Variants in SUMF2 observed in about 807,000 individuals in gnomAD.
SUMF2 encodes the protein inactive C-alpha-formylglycine-generating enzyme 2.
Under a neutral mutation model 44.8 loss-of-function variants are expected in SUMF2, and 45 were observed. The observed-to-expected ratio is 1.00, with a 90% CI of 0.79 to 1.29. The LOEUF is 1.29. SUMF2 is among the 50% of genes most tolerant of loss of function. SUMF2 has a pLI of 0.00. For missense variants in SUMF2, 418 were observed against 389.9 expected (o/e 1.07, Z -0.61); for synonymous variants, 148 against 150.4 (o/e 0.98, Z 0.12).
chr7:56,076,992 G>T (rs1450407102), intron 6 of SUMF2, 103 bp downstream of exon 6: 4 of 1,064,410 alleles, frequency 3.8e-6, no homozygotes, highest in South Asian at 1.6e-5. Context: ...GGGTTCTAAT[G>T]CAACTGATGA....
intron 1 of SUMF2, among the ~76,000 whole-genome samples, chr7:56,067,894 G>GAAAAAAAAAAAAA (rs71015177): frequency 1.4e-5 from 1 of 72,832 alleles, no homozygotes; most frequent in Non-Finnish European, 2.7e-5. Context: ...ATCCTGTCAC[G>GAAAAAAAAAAAAA]AAAAAAAAAA....
downstream of SUMF2, chr7:56,081,276 A>G: frequency 6.2e-7 from 1 of 1,611,482 alleles, no homozygotes; most frequent in Non-Finnish European, 8.5e-7. This position sits in a 1 kb window ranked among gnomAD's most constrained non-coding sequence, Gnocchi z 4.6. Flanking sequence ...TCCGCACTGA[A>G]GCCAGCACGG....
intron 1 of SUMF2, among the ~76,000 whole-genome samples, chr7:56,065,190 CAAAAAAAAAA>C (rs60513641): frequency 5.3e-5 from 3 of 56,558 alleles, no homozygotes; most frequent in Non-Finnish European, 1.0e-4. Flanking sequence ...GACTCCGTCT[CAAAAAAAAAA>C]AAAAAAAAAA....
In SUMF2 at chr7:56,064,387, A is replaced by G. The variant is rs1244455992; in HGVS notation, c.67+9A>G. 6.3e-6 allele frequency: 10 copies of G among 1,599,560 alleles called. No homozygotes were observed. Among genetic ancestry groups the G allele is most frequent in the East Asian group, 2.3e-5 (1 of 44,144 alleles). ...CGCGTGGCTCAAGCTAGGTCAGTGAACCGGCCGTCCATCCTGGGGGCGCTG... is the reference window on the plus strand; with the variant it reads ...CGCGTGGCTCAAGCTAGGTCAGTGAGCCGGCCGTCCATCCTGGGGGCGCTG... On this transcript the variant is annotated intron_variant, in intron 1 of 8. Coordinates refer to ENST00000434526, the MANE Select transcript of SUMF2 (RefSeq NM_015411.4).
chr7:56,073,885 C>G, intron 3 of SUMF2: 1 of 476,086 alleles, frequency 2.1e-6, no homozygotes, highest in Non-Finnish European at 3.7e-6. Context: ...CATGGTCATG[C>G]ACACCTGTAG....
In SUMF2 at chr7:56,076,821, G is replaced by T. The variant is rs1292809611; in HGVS notation, c.536-13G>T. ...CCTCCCCCTCCTCTGCTGCCTCCTTGCTCTCCTCGCAGGTCAAGTTTACCC... is the reference window on the plus strand; with the variant it reads ...CCTCCCCCTCCTCTGCTGCCTCCTTTCTCTCCTCGCAGGTCAAGTTTACCC... On this transcript the variant is annotated splice_polypyrimidine_tract_variant and intron_variant, in intron 5 of 8. Coordinates refer to ENST00000434526, the MANE Select transcript of SUMF2 (RefSeq NM_015411.4). 1 of 1,587,626 alleles carries T rather than the reference G, an allele frequency of 6.3e-7. No individual in the cohort carries two copies. Among genetic ancestry groups the T allele is most frequent in the Admixed American group, 1.8e-5 (1 of 56,678 alleles).
downstream of SUMF2, chr7:56,083,496 C>A: frequency 6.3e-7 from 1 of 1,588,004 alleles, no homozygotes; most frequent in Non-Finnish European, 8.6e-7. Flanking sequence ...AGGTAACAGG[C>A]AGGGAGACAC....
At chr7:56,079,366 T>G in intron 8 of SUMF2, 162 bp from the exon 9 acceptor site, 1 of 712,658 alleles carries the variant, frequency 1.4e-6, no homozygotes, top group South Asian at 1.8e-5. Context: ...TGGCACAGGC[T>G]CAGGACCTGT....
chr7:56,078,032 C>T, intron 6 of SUMF2, 70 bp from the exon 7 acceptor site: 1 of 1,373,462 alleles, frequency 7.3e-7, no homozygotes, highest in South Asian at 1.3e-5. Flanking sequence ...CCTTGGTTTT[C>T]CTCTGGATAG....
At chr7:56,081,056 A>AG (rs1291938198), downstream of SUMF2, 1 of 1,611,946 alleles carries the variant, frequency 6.2e-7, no homozygotes, top group Non-Finnish European at 8.5e-7. The surrounding 1 kb of genome is among the most constrained non-coding windows in gnomAD (Gnocchi z 4.6). Context: ...CCAGCCCCTC[A>AG]GTAGTCCTCC....
chr7:56,066,755 G>C (rs367603824), intron 1 of SUMF2, among the ~76,000 whole-genome samples: 2 of 152,226 alleles, frequency 1.3e-5, no homozygotes, highest in Non-Finnish European at 2.9e-5. Context: ...TGAGAGCTGG[G>C]ATTACAGGCA....
At position 56,077,737 on chromosome 7, in the gene SUMF2, G is replaced by A. The variant is rs1292731062; in HGVS notation, c.592-365G>A. Among the ~76,000 whole-genome samples the A allele has an allele frequency of 2.6e-5, 4 of 152,276 alleles. No individual in the cohort carries two copies. The East Asian group carries it at 7.8e-4, about 30-fold the overall frequency. ...AGAAGGCCAGCAGGAATAGGCTGCA[G>A]TGCTCAGGCATGAGACATGGGGGCA... On this transcript the variant is annotated intron_variant, in intron 6 of 8. Transcript: ENST00000434526.
intron 2 of SUMF2, among the ~76,000 whole-genome samples, chr7:56,070,120 G>A (rs1454618972): frequency 2.0e-5 from 3 of 151,826 alleles, no homozygotes; most frequent in African/African-American, 7.3e-5. Context: ...TGTTGGTCAG[G>A]CTGGTCTTGA....
Position 56,080,338 on chromosome 7 carries a change from A to ACT in SUMF2, c.*729_*730dup. 7.1e-6 allele frequency: 1 copy of ACT among 141,110 alleles called. No homozygotes were observed. Among genetic ancestry groups the ACT allele is most frequent in the East Asian group, 2.1e-4 (1 of 4,698 alleles). 8.7% of individuals were successfully genotyped at this position (141,110 alleles called of 1,614,324 possible). A position where few individuals can be genotyped will look rare whatever the true frequency, so the allele number is the denominator to read the frequency against. Reference sequence around the variant, plus strand: ...TAGAGTGCACTGGTGATCACGGCTCACTCTAGCCTTGAATTCCTGGGCCCA... The same window carrying ACT: ...TAGAGTGCACTGGTGATCACGGCTCACTCTCTAGCCTTGAATTCCTGGGCCCA... On this transcript the variant is annotated 3_prime_UTR_variant, in exon 9 of 9. Transcript: ENST00000434526.
intron 2 of SUMF2, among the ~76,000 whole-genome samples, chr7:56,070,245 T>G (rs953509495): frequency 1.3e-5 from 2 of 152,084 alleles, no homozygotes; most frequent in Non-Finnish European, 2.9e-5. Context: ...TTCACTTCTA[T>G]TTGGTTCAGT....
the SUMF2 span, chr7:56,087,809 G>A: frequency 8.2e-6 from 13 of 1,582,950 alleles, no homozygotes; most frequent in Non-Finnish European, 1.0e-5. Flanking sequence ...GCCTCGGGGG[G>A]CCCCTCACCC....
chr7:56,081,038 C>T (rs374559839), downstream of SUMF2: 61 of 1,611,336 alleles, frequency 3.8e-5, no homozygotes, highest in African/African-American at 8.1e-4. This position sits in a 1 kb window ranked among gnomAD's most constrained non-coding sequence, Gnocchi z 4.6. Flanking sequence ...CTAGCCCTCC[C>T]TGACTGGCCA....
chr7:56,073,886 A>G (rs1209244350), intron 3 of SUMF2: 9 of 480,032 alleles, frequency 1.9e-5, no homozygotes, highest in Middle Eastern at 5.7e-4. Context: ...ATGGTCATGC[A>G]CACCTGTAGT....
chr7:56,073,187 C>A, intron 3 of SUMF2, 76 bp downstream of exon 3: 1 of 1,151,070 alleles, frequency 8.7e-7, no homozygotes, highest in Non-Finnish European at 1.3e-6. Context: ...CATGGGTTAC[C>A]TGGGACACAG....
Sources: gnomAD v4.1 joint callset for allele counts (sites outside exome capture counted in the v4.1 genomes callset) on GRCh38, gnomAD v4.1.1 for gene constraint, Gnocchi (gnomAD v3.1) non-coding constraint, MANE v1.5 for transcripts, NCBI Gene and HGNC (gene_info 2026-07-23, HGNC 2026-07-21) for gene names.